Variants in GALNT10 observed in about 807,000 individuals in gnomAD.
The protein encoded by GALNT10 is GalNAc transferase 10.
Under a neutral mutation model 75.0 loss-of-function variants are expected in GALNT10, and 41 were observed. That is an observed-to-expected ratio of 0.55 (90% CI 0.43 to 0.71). The LOEUF (loss-of-function observed/expected upper bound fraction) is 0.71. Among genes scored for constraint, GALNT10 ranks in the 30% least tolerant of loss-of-function variants. The probability of loss-of-function intolerance (pLI) is 0.00; values close to 1 mark genes in which losing one functional copy is unlikely to be tolerated. For synonymous variants in GALNT10, 302 were observed against 313.0 expected (o/e 0.96, Z 0.37); for missense variants, 727 against 818.5 (o/e 0.89, Z 1.36).
At chr5:154,347,025 A>G in intron 4 of GALNT10, 1 of 364,102 alleles carries the variant, frequency 2.7e-6, no homozygotes, top group Non-Finnish European at 5.6e-6. Context: ...CCTCCTTTCT[A>G]GTTCCACATT....
chr5:154,385,038 G>A (rs577383360), intron 6 of GALNT10, among the ~76,000 whole-genome samples: 1 of 152,340 alleles, frequency 6.6e-6, no homozygotes, highest in South Asian at 2.1e-4. Flanking sequence ...ATCTGCTACT[G>A]GAAGGAGGAG....
Position 154,222,416 on chromosome 5 carries a change from C to T in GALNT10, c.159+31391C>T, listed in dbSNP as rs149378356. ...TAGCTTTGGGTTATTACAAATAAAG[C>T]TGTTATAAACATTTGTATACAAGTC... On this transcript the variant is annotated intron_variant, in intron 1 of 11. Coordinates refer to ENST00000297107, the MANE Select transcript of GALNT10 (RefSeq NM_198321.4). 4.2e-3 allele frequency among the ~76,000 whole-genome samples: 641 copies of T among 152,126 alleles called. 2 individuals carry two copies. Among genetic ancestry groups the T allele is most frequent in the Non-Finnish European group, 6.4e-3 (437 of 67,988 alleles).
chr5:154,279,296 G>GTTTTTTTTTTTTTTTTTTTTTTTTTT (rs111488218), intron 1 of GALNT10, among the ~76,000 whole-genome samples: 1 of 83,846 alleles, frequency 1.2e-5, no homozygotes, highest in Non-Finnish European at 2.8e-5. Flanking sequence ...TGTTGTTGTT[G>GTTTTTTTTTTTTTTTTTTTTTTTTTT]TTGTTTTGTT....
chr5:154,331,577 A>T (rs1323390230), intron 4 of GALNT10, among the ~76,000 whole-genome samples: 2 of 152,230 alleles, frequency 1.3e-5, no homozygotes, highest in Admixed American at 1.3e-4. Flanking sequence ...TGCTTAGGAC[A>T]GTACCTGGCA....
intron 5 of GALNT10, among the ~76,000 whole-genome samples, chr5:154,377,034 C>T (rs983014520): frequency 5.9e-5 from 9 of 152,218 alleles, no homozygotes; most frequent in Non-Finnish European, 1.3e-4. Context: ...TATTCTCCTT[C>T]GCAGTTCTAC....
chr5:154,261,504 T>C (rs1753698208), intron 1 of GALNT10, among the ~76,000 whole-genome samples: 1 of 152,228 alleles, frequency 6.6e-6, no homozygotes, highest in African/African-American at 2.4e-5. Context: ...GTTCTGTGTT[T>C]AGCACCAAAC....
At chr5:154,373,835 G>A (rs573699548) in intron 4 of GALNT10, among the ~76,000 whole-genome samples, 1 of 152,092 alleles carries the variant, frequency 6.6e-6, no homozygotes. Flanking sequence ...GCCTTAATTG[G>A]TCACTCTGTA....
intron 1 of GALNT10, among the ~76,000 whole-genome samples, chr5:154,242,636 A>G (rs967302578): frequency 2.0e-5 from 3 of 152,134 alleles, no homozygotes; most frequent in Admixed American, 6.5e-5. Context: ...TGAGAGCTCA[A>G]TGACCGTGGG....
chr5:154,346,957 A>G, intron 4 of GALNT10: 2 of 270,394 alleles, frequency 7.4e-6, no homozygotes, highest in Admixed American at 1.0e-4. Context: ...CAACCTTGAT[A>G]CCATCATATT....
chr5:154,266,573 T>TAAAAA lies in GALNT10; in HGVS notation c.160-28233_160-28229dup, dbSNP rs70978533. 2.7e-3 allele frequency among the ~76,000 whole-genome samples: 388 copies of TAAAAA among 141,826 alleles called. 2 individuals carry two copies. The highest frequency in any genetic ancestry group is 9.3e-3 in the African/African-American group (356 of 38,204). The allele number at this position is 141,826 out of a possible 152,430, so 93.0% of individuals were successfully genotyped here. A position where few individuals can be genotyped will look rare whatever the true frequency, so the allele number is the denominator to read the frequency against. On this transcript the variant is annotated intron_variant, in intron 1 of 11. Transcript: ENST00000297107. ...GGAAAATAAAATTAAAGACTATCAT[T>TAAAAA]AAAAAAAAAAAAAACAGCTTCCCAG...
intron 7 of GALNT10, among the ~76,000 whole-genome samples, chr5:154,395,560 T>C (rs905050565): frequency 6.6e-6 from 1 of 152,234 alleles, no homozygotes; most frequent in Admixed American, 6.5e-5. Context: ...CGGGCTGTGG[T>C]TGCAGGAAGA....
At position 154,297,570 on chromosome 5, in the gene GALNT10, G is replaced by A. The variant is rs558716930; in HGVS notation, c.263-371G>A. On this transcript the variant is annotated intron_variant, in intron 2 of 11. Coordinates refer to ENST00000297107, the MANE Select transcript of GALNT10 (RefSeq NM_198321.4). ...GATCAGCTCACAGATGGTGGACCTAGCTGTCCAGTGACTGGTCTGCGAGGG... is the reference window on the plus strand; with the variant it reads ...GATCAGCTCACAGATGGTGGACCTAACTGTCCAGTGACTGGTCTGCGAGGG... Among the ~76,000 whole-genome samples, 218 of 152,308 alleles carry A rather than the reference G, an allele frequency of 1.4e-3. 3 individuals carry two copies. The highest frequency in any genetic ancestry group is 3.2e-4 in the Non-Finnish European group (22 of 68,024).
chr5:154,286,005 CCT>C (rs1754105948), intron 1 of GALNT10, among the ~76,000 whole-genome samples: 1 of 152,200 alleles, frequency 6.6e-6, no homozygotes, highest in Admixed American at 6.5e-5. Context: ...ACTGAGTTAA[CCT>C]GTAATCCAAT....
intron 3 of GALNT10, among the ~76,000 whole-genome samples, chr5:154,326,891 G>A (rs774872468): frequency 1.1e-4 from 17 of 152,132 alleles, no homozygotes; most frequent in Non-Finnish European, 1.9e-4. Flanking sequence ...TTTATGGTAT[G>A]TGAATTATAT....
At chr5:154,223,665 A>G (rs1009036163) in intron 1 of GALNT10, among the ~76,000 whole-genome samples, 9 of 151,814 alleles carry the variant, frequency 5.9e-5, no homozygotes, top group Admixed American at 5.9e-4. Flanking sequence ...CACACCTGTA[A>G]TCCCAGCACT....
chr5:154,196,176 G>T (rs1055852595), intron 1 of GALNT10, among the ~76,000 whole-genome samples: 1 of 152,180 alleles, frequency 6.6e-6, no homozygotes, highest in Non-Finnish European at 1.5e-5. Flanking sequence ...GCCCACCTCA[G>T]CCTCCCAAAG....
At chr5:154,263,271 A>G (rs955865260) in intron 1 of GALNT10, among the ~76,000 whole-genome samples, 1 of 152,218 alleles carries the variant, frequency 6.6e-6, no homozygotes, top group African/African-American at 2.4e-5. Flanking sequence ...GAGTGGATTT[A>G]TAAAATATGT....
chr5:154,253,889 C>T (rs1477671735), intron 1 of GALNT10, among the ~76,000 whole-genome samples: 1 of 152,086 alleles, frequency 6.6e-6, no homozygotes, highest in Non-Finnish European at 1.5e-5. Context: ...CAGTGCAGGT[C>T]TTGATCCGCC....
chr5:154,206,518 C>A (rs1367688491), intron 1 of GALNT10, among the ~76,000 whole-genome samples: 2 of 152,210 alleles, frequency 1.3e-5, no homozygotes, highest in Admixed American at 6.5e-5. Context: ...AAGAGGAGAT[C>A]AGCCAGTGCT....
Sources: allele counts gnomAD v4.1 joint callset (sites outside exome capture counted in the v4.1 genomes callset), GRCh38; gene constraint gnomAD v4.1.1; transcripts MANE v1.5; gene names NCBI Gene and HGNC (gene_info 2026-07-23, HGNC 2026-07-21).